The following DLC1 variants were observed in gnomAD, a reference collection of about 807,000 sequenced individuals.
The protein encoded by DLC1 is DLC1 Rho GTPase activating protein.
In DLC1, 54 loss-of-function variants were observed where a neutral mutation model predicts 140.3. That is an observed-to-expected ratio of 0.38 (90% confidence interval 0.31 to 0.48). The LOEUF is 0.48. Among genes scored for constraint, DLC1 ranks in the 20% least tolerant of loss-of-function variants. DLC1 has a pLI of 0.96. For missense variants in DLC1, 2,536 were observed against 1,907.0 expected (o/e 1.33, Z -6.14); for synonymous variants, 986 against 728.1 (o/e 1.35, Z -5.70).
chr8:13,133,030 G>A (rs1238791323), intron 5 of DLC1: 4 of 1,588,906 alleles, frequency 2.5e-6, no homozygotes, highest in Non-Finnish European at 2.6e-6. Flanking sequence ...CGAGGCAGGC[G>A]GAGGCGGCTC....
chr8:13,370,085 T>C (rs1835663659), intron 4 of DLC1, among the ~76,000 whole-genome samples: 1 of 151,074 alleles, frequency 6.6e-6, no homozygotes, highest in Admixed American at 6.7e-5. Context: ...TTGTTTGTTT[T>C]CTCACTTCCT....
At chr8:13,183,157 AT>A (rs200083604) in intron 5 of DLC1, among the ~76,000 whole-genome samples, 4,961 of 152,284 alleles carry the variant, frequency 0.033, 85 homozygotes, top group Non-Finnish European at 0.039. Flanking sequence ...ATTTTTGTAC[AT>A]TGATTTTGTA....
At chr8:13,557,032 A>G (rs573123414) in intron 1 of DLC1, among the ~76,000 whole-genome samples, 1 of 152,258 alleles carries the variant, frequency 6.6e-6, no homozygotes, top group East Asian at 1.9e-4. Flanking sequence ...ATGCATATTC[A>G]GGGGTCTGAA....
At chr8:13,479,907 A>C (rs936746227) in intron 2 of DLC1, among the ~76,000 whole-genome samples, 4 of 90,400 alleles carry the variant, frequency 4.4e-5, no homozygotes, top group Non-Finnish European at 1.1e-4. Flanking sequence ...GAAAGAAGAA[A>C]AGTATACATA....
intron 4 of DLC1, among the ~76,000 whole-genome samples, chr8:13,375,026 G>GTTTTTTT (rs776104758): frequency 1.1e-5 from 1 of 94,252 alleles, no homozygotes; most frequent in African/African-American, 3.9e-5. Context: ...GAATGCTTGT[G>GTTTTTTT]ATTTTTTTTT....
chr8:13,502,938 C>A (rs1448306641), intron 1 of DLC1, among the ~76,000 whole-genome samples: 1 of 152,172 alleles, frequency 6.6e-6, no homozygotes, highest in Non-Finnish European at 1.5e-5. Flanking sequence ...GTGACATTAA[C>A]ATCACAAGAG....
At chr8:13,436,356 G>C (rs1016064395) in intron 2 of DLC1, among the ~76,000 whole-genome samples, 1 of 152,066 alleles carries the variant, frequency 6.6e-6, no homozygotes, top group Non-Finnish European at 1.5e-5. Flanking sequence ...CACTTTTCTC[G>C]AAAATGACAT....
chr8:13,454,973 A>T (rs289549), intron 2 of DLC1, among the ~76,000 whole-genome samples: 80,441 of 151,876 alleles, frequency 0.53, 21,856 homozygotes, highest in African/African-American at 0.64. Flanking sequence ...TCTGAGATCT[A>T]GTTTTTTTTT....
rs56057254 is a variant in DLC1 at position 13,431,482 on chromosome 8, C to CAAAAAAA, written c.1024-29870_1024-29864dup. 7.0e-3 allele frequency among the ~76,000 whole-genome samples: 286 copies of CAAAAAAA among 40,616 alleles called. 15 individuals carry two copies. Among genetic ancestry groups the CAAAAAAA allele is most frequent in the East Asian group, 8.5e-3 (8 of 936 alleles). The allele number at this position is 40,616 out of a possible 152,430, so 26.6% of individuals were successfully genotyped here. On this transcript the variant is annotated intron_variant, in intron 2 of 17. Transcript: ENST00000276297. ...TGGGCCACAGAGCGAGACTCCGTCTCAAAAAAAAAAAAAAAAAAAAAAAAA... is the reference window on the plus strand; with the variant it reads ...TGGGCCACAGAGCGAGACTCCGTCTCAAAAAAAAAAAAAAAAAAAAAAAAAAAAAAAA...
In DLC1 at chr8:13,506,835, C is replaced by G. The variant is rs372584314; in HGVS notation, c.-125-6639G>C. 2.3e-3 allele frequency among the ~76,000 whole-genome samples: 351 copies of G among 152,024 alleles called. 11 individuals are homozygous for G. In the South Asian group the frequency reaches 0.064, roughly 28 times the overall value. ...AGCATATGAACGAAGAAGAAGACAC[C>G]TCTACATTTGGCACATTTTGTTGCT... On this transcript the variant is annotated intron_variant, in intron 1 of 17. Transcript: ENST00000276297.
Position 13,401,657 on chromosome 8 carries a change from C to A in DLC1, c.1024-38G>T, listed in dbSNP as rs777974895. 1.9e-6 allele frequency: 3 copies of A among 1,589,808 alleles called. No individual in the cohort carries two copies. The African/African-American group carries it at 4.1e-5, about 22-fold the overall frequency. On this transcript the variant is annotated intron_variant, in intron 2 of 17. Transcript: ENST00000276297. ...ACATTTTGTTACTGAATCTGAAAGG[C>A]CATTTCTTAATAAGAATAAAAAGTT...
At chr8:13,133,023 G>C (rs1389086503) in intron 5 of DLC1, 1 of 1,592,864 alleles carries the variant, frequency 6.3e-7, no homozygotes, top group Admixed American at 1.8e-5. Flanking sequence ...GGGAAGTCGA[G>C]GCAGGCGGAG....
At chr8:13,119,722 TG>T (rs1345794585) in intron 5 of DLC1, among the ~76,000 whole-genome samples, 1 of 151,822 alleles carries the variant, frequency 6.6e-6, no homozygotes, top group Non-Finnish European at 1.5e-5. Context: ...GAGGCCTAGG[TG>T]GGAGTATCAT....
At chr8:13,484,364 C>A (rs530834586) in intron 2 of DLC1, among the ~76,000 whole-genome samples, 1 of 152,236 alleles carries the variant, frequency 6.6e-6, no homozygotes, top group African/African-American at 2.4e-5. Flanking sequence ...TAGCTTAACT[C>A]TCTCTACCTA....
At chr8:13,448,730 C>T (rs1798912104) in intron 2 of DLC1, among the ~76,000 whole-genome samples, 1 of 152,150 alleles carries the variant, frequency 6.6e-6, no homozygotes, top group Admixed American at 6.6e-5. Context: ...CTCCTTTCTC[C>T]ATAGTGTTCA....
intron 5 of DLC1, among the ~76,000 whole-genome samples, chr8:13,286,725 A>C (rs1831547276): frequency 6.7e-6 from 1 of 149,948 alleles, no homozygotes; most frequent in Non-Finnish European, 1.5e-5. Flanking sequence ...TAGGAAAAAA[A>C]ATAGAAAAAA....
intron 5 of DLC1, chr8:13,304,529 T>C (rs563107332): frequency 2.6e-5 from 11 of 415,426 alleles, no homozygotes; most frequent in Non-Finnish European, 3.6e-5. Context: ...GAAATTTTAA[T>C]ATTTTCTCTA....
At chr8:13,270,137 C>T (rs541160215) in intron 5 of DLC1, among the ~76,000 whole-genome samples, 1 of 151,930 alleles carries the variant, frequency 6.6e-6, no homozygotes, top group Admixed American at 6.5e-5. Context: ...AAATAGAGAA[C>T]TTCCAGAGGA....
chr8:13,085,386 T>C lies in DLC1; in HGVS notation c.*425A>G, dbSNP rs1817467955. The C allele has an allele frequency of 6.4e-6, 1 of 156,422 alleles. No homozygotes were observed. Among genetic ancestry groups the C allele is most frequent in the Admixed American group, 6.3e-5 (1 of 15,928 alleles). 9.7% of individuals were successfully genotyped at this position (156,422 alleles called of 1,614,324 possible). On this transcript the variant is annotated 3_prime_UTR_variant, in exon 18 of 18. Coordinates refer to ENST00000276297, the MANE Select transcript of DLC1 (RefSeq NM_182643.3). ...CTGTGCAAACCTTTCTTTGCTCATCTTGGTGAGAAAACACATCCAAGAGTA... is the reference window on the plus strand; with the variant it reads ...CTGTGCAAACCTTTCTTTGCTCATCCTGGTGAGAAAACACATCCAAGAGTA...
Sources: gnomAD v4.1 joint callset for allele counts (sites outside exome capture counted in the v4.1 genomes callset) on GRCh38, gnomAD v4.1.1 for gene constraint, MANE v1.5 for transcripts, NCBI Gene and HGNC (gene_info 2026-07-23, HGNC 2026-07-21) for gene names.